CACNA2D3: variants seen among roughly 807,000 people sequenced by gnomAD.
CACNA2D3 encodes the protein voltage-dependent calcium channel subunit alpha-2/delta-3.
CACNA2D3 carries 60 observed loss-of-function variants against 160.6 expected under a neutral mutation model. That is an observed-to-expected ratio of 0.37 (90% CI 0.30 to 0.46). CACNA2D3 has a LOEUF of 0.46. Ranked by LOEUF, CACNA2D3 falls within the 20% of genes least tolerant of loss-of-function variation. The pLI, the probability that CACNA2D3 is intolerant of heterozygous loss-of-function variation, is 1.00. For missense variants in CACNA2D3, 1,205 were observed against 1,365.0 expected, an observed-to-expected ratio of 0.88 and a Z score of 1.85; for synonymous variants, 558 against 492.9, an observed-to-expected ratio of 1.13 and a Z score of -1.75.
chr3:54,598,307 C>CAAAAGAAAAA (rs1702996063), intron 9 of CACNA2D3, among the ~76,000 whole-genome samples: 1 of 49,846 alleles, frequency 2.0e-5, no homozygotes, highest in African/African-American at 8.1e-5. Flanking sequence ...CTCCGTCTCA[C>CAAAAGAAAAA]AAAAAAAAAA....
chr3:54,618,003 A>G (rs1174900596), intron 9 of CACNA2D3, among the ~76,000 whole-genome samples: 5 of 150,484 alleles, frequency 3.3e-5, no homozygotes, highest in Non-Finnish European at 5.9e-5. Context: ...CAACTTGGAT[A>G]CTTTCATAGA....
intron 4 of CACNA2D3, among the ~76,000 whole-genome samples, chr3:54,462,017 C>T (rs564640161): frequency 3.6e-4 from 55 of 152,234 alleles, no homozygotes; most frequent in African/African-American, 1.1e-3. Flanking sequence ...TTTATTTCTG[C>T]CTTCATTTCG....
At chr3:54,401,860 A>G (rs1339234315) in intron 4 of CACNA2D3, among the ~76,000 whole-genome samples, 1 of 152,234 alleles carries the variant, frequency 6.6e-6, no homozygotes, top group Non-Finnish European at 1.5e-5. Context: ...CATTGTTGAT[A>G]TGATACTCTG....
intron 2 of CACNA2D3, among the ~76,000 whole-genome samples, chr3:54,289,879 C>T (rs200500763): frequency 0.014 from 2,149 of 152,138 alleles, 42 homozygotes; most frequent in East Asian, 0.063. Flanking sequence ...AACTGGATCC[C>T]TTCCTTACAC....
chr3:54,459,715 T>C (rs542465487), intron 4 of CACNA2D3, among the ~76,000 whole-genome samples: 20 of 152,256 alleles, frequency 1.3e-4, no homozygotes, highest in Admixed American at 3.3e-4. Context: ...TCTCCCATTT[T>C]GTAGGTTGCC....
intron 11 of CACNA2D3, among the ~76,000 whole-genome samples, chr3:54,643,845 A>G (rs985679454): frequency 2.0e-5 from 3 of 152,144 alleles, no homozygotes; most frequent in African/African-American, 7.2e-5. Flanking sequence ...GTATAAGTAA[A>G]CATGAGTAGG....
chr3:54,724,147 A>G (rs765364622), intron 11 of CACNA2D3, among the ~76,000 whole-genome samples: 1 of 152,202 alleles, frequency 6.6e-6, no homozygotes, highest in Non-Finnish European at 1.5e-5. Context: ...ACTTTAAACC[A>G]ACAAAGATTG....
At chr3:55,000,564 T>C (rs1345189650) in intron 31 of CACNA2D3, among the ~76,000 whole-genome samples, 2 of 152,176 alleles carry the variant, frequency 1.3e-5, no homozygotes. Flanking sequence ...TAACTTAAAG[T>C]AATATTTAAA....
At chr3:54,533,792 ATAGTGTGTGTG>A (rs1701842426) in intron 5 of CACNA2D3, among the ~76,000 whole-genome samples, 1 of 62,880 alleles carries the variant, frequency 1.6e-5, no homozygotes, top group Non-Finnish European at 2.9e-5. Flanking sequence ...GAAATGGAAA[ATAGTGTGTGTG>A]TGTGTGTGTG....
intron 13 of CACNA2D3, among the ~76,000 whole-genome samples, chr3:54,794,492 A>T (rs1408361566): frequency 6.6e-6 from 1 of 152,186 alleles, no homozygotes; most frequent in Non-Finnish European, 1.5e-5. Flanking sequence ...GGTGCTATTT[A>T]TTCTTTTGGA....
At chr3:54,746,705 A>G (rs1450001532) in intron 11 of CACNA2D3, among the ~76,000 whole-genome samples, 2 of 152,188 alleles carry the variant, frequency 1.3e-5, no homozygotes, top group African/African-American at 4.8e-5. Context: ...AAAATAAAAG[A>G]TTACCTTCTT....
At chr3:54,463,792 A>T (rs1232465531) in intron 4 of CACNA2D3, among the ~76,000 whole-genome samples, 2 of 152,174 alleles carry the variant, frequency 1.3e-5, no homozygotes, top group Non-Finnish European at 2.9e-5. Context: ...TTCTCCATCC[A>T]GCTTTGTTCC....
intron 11 of CACNA2D3, among the ~76,000 whole-genome samples, chr3:54,720,160 C>T (rs980868031): frequency 1.3e-5 from 2 of 151,732 alleles, no homozygotes; most frequent in African/African-American, 2.4e-5. Context: ...TCCTTTACTC[C>T]ACTTTCTTGG....
chr3:54,176,810 C>T (rs1215231495), intron 2 of CACNA2D3, among the ~76,000 whole-genome samples: 1 of 152,018 alleles, frequency 6.6e-6, no homozygotes, highest in Non-Finnish European at 1.5e-5. Context: ...TTTGCCTAAC[C>T]TGCCCCCAGG....
intron 2 of CACNA2D3, among the ~76,000 whole-genome samples, chr3:54,313,411 A>G (rs991875513): frequency 6.6e-6 from 1 of 151,940 alleles, no homozygotes; most frequent in Admixed American, 6.6e-5. Flanking sequence ...TATTCTGCAC[A>G]CTGAGGTTAT....
intron 14 of CACNA2D3, among the ~76,000 whole-genome samples, chr3:54,826,778 G>C (rs573135658): frequency 6.7e-6 from 1 of 149,482 alleles, no homozygotes; most frequent in Non-Finnish European, 1.5e-5. Flanking sequence ...TTATTTAACT[G>C]TTAAGACCAA....
At chr3:55,058,777 C>A (rs1251051708) in intron 35 of CACNA2D3, among the ~76,000 whole-genome samples, 3 of 151,982 alleles carry the variant, frequency 2.0e-5, no homozygotes, top group African/African-American at 7.2e-5. Flanking sequence ...AACTAAGAGG[C>A]AGAAACGTTA....
chr3:54,132,055 A>T (rs1233550442), intron 2 of CACNA2D3, among the ~76,000 whole-genome samples: 1 of 152,236 alleles, frequency 6.6e-6, no homozygotes, highest in Non-Finnish European at 1.5e-5. Flanking sequence ...CATAACATCC[A>T]GCTTTACGCT....
At chr3:54,753,040 T>C (rs1466885481) in intron 12 of CACNA2D3, among the ~76,000 whole-genome samples, 1 of 152,094 alleles carries the variant, frequency 6.6e-6, no homozygotes, top group African/African-American at 2.4e-5. Context: ...TTTGTATTTT[T>C]AGTAGAGACG....
Sources: allele counts gnomAD v4.1 joint callset (sites outside exome capture counted in the v4.1 genomes callset), GRCh38; gene constraint gnomAD v4.1.1; transcripts MANE v1.5; gene names NCBI Gene and HGNC (gene_info 2026-07-23, HGNC 2026-07-21).